Variants in PCLO observed in about 807,000 individuals in gnomAD.
The protein encoded by PCLO is piccolo presynaptic cytomatrix protein, also known as protein piccolo.
PCLO carries 82 observed loss-of-function variants against 427.5 expected under a neutral mutation model. The observed-to-expected ratio is 0.19, with a 90% confidence interval of 0.16 to 0.23. The LOEUF (loss-of-function observed/expected upper bound fraction) is 0.23. Ranked by LOEUF, PCLO falls within the 10% of genes least tolerant of loss-of-function variation. The probability of loss-of-function intolerance (pLI) is 1.00; values close to 1 mark genes in which losing one functional copy is unlikely to be tolerated. For synonymous variants in PCLO, 2,357 were observed against 2,155.4 expected (o/e 1.09, Z -2.59); for missense variants, 6,239 against 6,115.9 (o/e 1.02, Z -0.67).
chr7:83,043,521 G>C (rs1208091012), intron 3 of PCLO, among the ~76,000 whole-genome samples: 1 of 152,078 alleles, frequency 6.6e-6, no homozygotes, highest in Non-Finnish European at 1.5e-5. Context: ...TTCCAACAAG[G>C]CATAAAAATT....
chr7:83,030,123 A>AG lies in PCLO; in HGVS notation c.3301-63637_3301-63636insC, dbSNP rs1325119341. Among the ~76,000 whole-genome samples the AG allele has an allele frequency of 1.1e-3, 151 of 143,028 alleles. 1 individual carries two copies. Among genetic ancestry groups the AG allele is most frequent in the African/African-American group, 3.5e-3 (142 of 40,690 alleles). 93.8% of individuals were successfully genotyped at this position (143,028 alleles called of 152,430 possible). A position where few individuals can be genotyped will look rare whatever the true frequency, so the allele number is the denominator to read the frequency against. On this transcript the variant is annotated intron_variant, in intron 3 of 24. Coordinates refer to ENST00000333891, the MANE Select transcript of PCLO (RefSeq NM_033026.6). ...ACTTAAAGTATAATAATAAAAGAAAAAAAAAAAAAAAGAAAAGAAAAGACT... is the reference window on the plus strand; with the variant it reads ...ACTTAAAGTATAATAATAAAAGAAAAGAAAAAAAAAAAGAAAAGAAAAGACT...
chr7:82,777,986 G>A (rs938860062), intron 22 of PCLO, among the ~76,000 whole-genome samples: 54 of 152,206 alleles, frequency 3.5e-4, no homozygotes, highest in African/African-American at 1.2e-3. Flanking sequence ...ACTACAGAAT[G>A]GGAGAAAATT....
intron 3 of PCLO, among the ~76,000 whole-genome samples, chr7:83,092,873 G>A (rs1225106163): frequency 1.3e-5 from 2 of 150,802 alleles, no homozygotes; most frequent in African/African-American, 4.9e-5. Flanking sequence ...CTTGAGTGTG[G>A]GAGGCAGAGG....
At chr7:82,935,684 C>T (rs1204779530) in intron 6 of PCLO, among the ~76,000 whole-genome samples, 1 of 151,602 alleles carries the variant, frequency 6.6e-6, no homozygotes, top group African/African-American at 2.4e-5. Context: ...CTTCATTTCA[C>T]AACGCAGAGT....
chr7:82,803,146 AAAAAAG>A (rs1408580347), intron 21 of PCLO, among the ~76,000 whole-genome samples: 7 of 152,112 alleles, frequency 4.6e-5, no homozygotes. Context: ...GTTAAGAAAA[AAAAAAG>A]AACTCTGCTC....
chr7:82,947,480 T>C (rs930375417), intron 6 of PCLO, among the ~76,000 whole-genome samples: 1 of 152,202 alleles, frequency 6.6e-6, no homozygotes, highest in Non-Finnish European at 1.5e-5. Flanking sequence ...TACTTTAAAA[T>C]AGACTCAAAG....
chr7:83,085,001 A>C (rs941960130), intron 3 of PCLO, among the ~76,000 whole-genome samples: 2 of 152,218 alleles, frequency 1.3e-5, no homozygotes, highest in East Asian at 1.9e-4. Flanking sequence ...CATGTGAAAC[A>C]AAATCATACC....
intron 16 of PCLO, among the ~76,000 whole-genome samples, chr7:82,830,056 T>G (rs573619073): frequency 6.6e-6 from 1 of 152,040 alleles, no homozygotes; most frequent in East Asian, 1.9e-4. Context: ...ACATATATAT[T>G]AATATCGTAA....
At chr7:83,095,162 T>C (rs1435229832) in intron 3 of PCLO, among the ~76,000 whole-genome samples, 1 of 152,162 alleles carries the variant, frequency 6.6e-6, no homozygotes, top group Admixed American at 6.6e-5. Context: ...ATTCAAATAA[T>C]CTATTTCATA....
intron 3 of PCLO, among the ~76,000 whole-genome samples, chr7:83,058,137 T>C (rs537450943): frequency 6.6e-6 from 1 of 152,286 alleles, no homozygotes; most frequent in Non-Finnish European, 1.5e-5. Context: ...TACATAACTA[T>C]AGGTAGAAGT....
intron 8 of PCLO, among the ~76,000 whole-genome samples, chr7:82,904,320 TTC>T (rs771430401): frequency 5.9e-5 from 9 of 151,976 alleles, no homozygotes; most frequent in Non-Finnish European, 8.8e-5. Flanking sequence ...ACTCTTTCCT[TTC>T]TCTCTGTTAC....
chr7:83,108,734 A>T (rs1790929475), intron 3 of PCLO, among the ~76,000 whole-genome samples: 1 of 151,644 alleles, frequency 6.6e-6, no homozygotes, highest in Admixed American at 6.6e-5. Context: ...GTCAGGATTA[A>T]TCAATATACA....
Position 82,956,897 on chromosome 7 carries a change from C to T in PCLO, c.4056G>A (p.Gln1352=). ...EDDKSDTSSS[Q]QPKSPQGLSD... ...TCAGACCTTGGGGGCTTTTAGGCTG[C>T]TGAGAACTTGAGGTGTCTGATTTGT... is the stretch of plus-strand genomic sequence containing the variant. Residue 1352 remains glutamine, a synonymous_variant, in exon 5 of 25, where the codon CAG becomes CAA. Coordinates refer to ENST00000333891, the MANE Select transcript of PCLO (RefSeq NM_033026.6). 3 of 1,611,574 alleles carry T rather than the reference C, an allele frequency of 1.9e-6. No individual in the cohort carries two copies. The highest frequency in any genetic ancestry group is 2.5e-6 in the Non-Finnish European group (3 of 1,179,052).
In PCLO at chr7:82,815,822, A is replaced by C. The variant is rs569499175; in HGVS notation, c.14791+6673T>G. On this transcript the variant is annotated intron_variant, in intron 20 of 24. Coordinates refer to ENST00000333891, the MANE Select transcript of PCLO (RefSeq NM_033026.6). ...CCATTACTTTTTGCACCAACCTAAT[A>C]TTATTTTGATTAATCTGTTCAAATT... Among the ~76,000 whole-genome samples, 45 of 152,218 alleles carry C rather than the reference A, an allele frequency of 3.0e-4. No homozygotes were observed. In the East Asian group the frequency reaches 8.3e-3, roughly 28 times the overall value.
At chr7:82,805,642 C>T in intron 21 of PCLO, 46 bp downstream of exon 21, 4 of 1,585,572 alleles carry the variant, frequency 2.5e-6, no homozygotes, top group East Asian at 4.5e-5. Context: ...ATGCCTTACT[C>T]ATGATGCTGA....
At chr7:82,769,066 A>AG (rs1790591660) in intron 22 of PCLO, among the ~76,000 whole-genome samples, 1 of 152,186 alleles carries the variant, frequency 6.6e-6, no homozygotes, top group Non-Finnish European at 1.5e-5. Flanking sequence ...TTTAAGTCTA[A>AG]GGCTCCATTC....
intron 10 of PCLO, among the ~76,000 whole-genome samples, chr7:82,876,455 T>TACACACACAC (rs35270740): frequency 0.032 from 4,606 of 143,130 alleles, 208 homozygotes; most frequent in African/African-American, 0.098. Flanking sequence ...AAAACAAGTA[T>TACACACACAC]ACACACACAC....
intron 4 of PCLO, among the ~76,000 whole-genome samples, chr7:82,959,025 T>C (rs577729276): frequency 6.6e-6 from 1 of 152,300 alleles, no homozygotes; most frequent in Non-Finnish European, 1.5e-5. Context: ...AAATGATCTT[T>C]CACAATCAAA....
intron 15 of PCLO, 96 bp from the exon 16 acceptor site, chr7:82,835,789 T>A: frequency 2.1e-6 from 2 of 932,642 alleles, no homozygotes; most frequent in Non-Finnish European, 3.4e-6. Flanking sequence ...AAAGAAAACA[T>A]GAAAATAATA....
Sources: allele counts gnomAD v4.1 joint callset (sites outside exome capture counted in the v4.1 genomes callset), GRCh38; gene constraint gnomAD v4.1.1; transcripts MANE v1.5; gene names NCBI Gene and HGNC (gene_info 2026-07-23, HGNC 2026-07-21).